The following NCKAP1 variants were observed in gnomAD, a reference collection of about 807,000 sequenced individuals.
NCKAP1 encodes the protein NCK associated protein 1.
A neutral mutation model predicts 151.2 loss-of-function variants in NCKAP1; 21 were observed. That is an observed-to-expected ratio of 0.14 (90% CI 0.10 to 0.20). NCKAP1 has a LOEUF of 0.20. Ranked by LOEUF, NCKAP1 falls within the 10% of genes least tolerant of loss-of-function variation. The pLI, the probability that NCKAP1 is intolerant of heterozygous loss-of-function variation, is 1.00. For synonymous variants in NCKAP1, 484 were observed against 451.8 expected, an observed-to-expected ratio of 1.07 and a Z score of -0.90; for missense variants, 933 against 1,352.1, an observed-to-expected ratio of 0.69 and a Z score of 4.86.
chr2:182,939,678 A>G (rs1449636355), intron 24 of NCKAP1, among the ~76,000 whole-genome samples: 1 of 152,142 alleles, frequency 6.6e-6, no homozygotes, highest in Non-Finnish European at 1.5e-5. Context: ...CTCCTTCAAA[A>G]ACACATTGAC....
At chr2:182,992,473 C>T (rs975728446) in intron 8 of NCKAP1, among the ~76,000 whole-genome samples, 1 of 152,132 alleles carries the variant, frequency 6.6e-6, no homozygotes, top group African/African-American at 2.4e-5. Context: ...GAAGCAAAAT[C>T]CAGAAGTCAC....
intron 10 of NCKAP1, among the ~76,000 whole-genome samples, chr2:182,984,196 A>G (rs1343298677): frequency 6.6e-6 from 1 of 152,180 alleles, no homozygotes; most frequent in East Asian, 1.9e-4. Flanking sequence ...AGCTATAGTC[A>G]ATAAAGGTAT....
Position 182,953,091 on chromosome 2 carries a change from AAT to A in NCKAP1, c.2372+20_2372+21del. ...TCATTACAAATTTTCCGCTACTACA[AAT>A]TTCTAAATGCATTCCTTACCAATTT... On this transcript the variant is annotated intron_variant, in intron 21 of 30. Coordinates refer to ENST00000361354, the MANE Select transcript of NCKAP1 (RefSeq NM_013436.5). 6.4e-7 allele frequency: 1 copy of A among 1,571,744 alleles called. No individual in the cohort carries two copies. Among genetic ancestry groups the A allele is most frequent in the Non-Finnish European group, 8.6e-7 (1 of 1,158,222 alleles).
chr2:182,987,548 C>T (rs1360344544), intron 9 of NCKAP1, among the ~76,000 whole-genome samples: 3 of 152,136 alleles, frequency 2.0e-5, no homozygotes, highest in Non-Finnish European at 2.9e-5. Context: ...ACTGGTTTCA[C>T]TATGCCATTA....
At chr2:183,014,415 T>C (rs1440773783) in intron 2 of NCKAP1, among the ~76,000 whole-genome samples, 5 of 152,092 alleles carry the variant, frequency 3.3e-5, no homozygotes, top group Admixed American at 3.3e-4. Context: ...AAAAGAAACA[T>C]GGCCATTTGT....
Position 182,989,179 on chromosome 2 carries a change from A to G in NCKAP1, c.798T>C (p.Phe266=). 6.3e-7 allele frequency: 1 copy of G among 1,583,572 alleles called. No individual in the cohort carries two copies. Among genetic ancestry groups the G allele is most frequent in the African/African-American group, 1.4e-5 (1 of 73,076 alleles). ...TATTTAGGATCCCATGGCACAAAAT[A>G]AAGCCAACTTTAAATAAAAAGAAAG... The part of the protein sequence containing the change: ...DAMEKWIIFG[F]ILCHGILNTD... The change falls in exon 9 of 31, where the codon TTT becomes TTC. Residue 266 remains phenylalanine, a synonymous_variant. Coordinates refer to ENST00000361354, the MANE Select transcript of NCKAP1 (RefSeq NM_013436.5).
chr2:182,953,346 TAGA>T lies in NCKAP1; in HGVS notation c.2154-18_2154-16del, dbSNP rs776554772. 19 of 1,571,120 alleles carry T rather than the reference TAGA, an allele frequency of 1.2e-5. No homozygotes were observed. Among genetic ancestry groups the T allele is most frequent in the Non-Finnish European group, 1.6e-5 (18 of 1,150,600 alleles). ...CAACAATTGACCTGGGAAGAAGGGA[TAGA>T]AGAATAAGAAAAGCCTCTGACTTTT... On this transcript the variant is annotated splice_polypyrimidine_tract_variant and intron_variant, in intron 20 of 30. Coordinates refer to ENST00000361354, the MANE Select transcript of NCKAP1 (RefSeq NM_013436.5).
In NCKAP1 at chr2:182,917,704, G is replaced by C. The variant is rs1474124977; in HGVS notation, c.*7998C>G. ...CACTTCAACAGCTGCGTTACCTTCA[G>C]AAAATAGTAAAAACCATTTTTGTTA... On this transcript the variant is annotated 3_prime_UTR_variant, in exon 31 of 31. Transcript: ENST00000361354. 1.3e-5 allele frequency: 2 copies of C among 152,196 alleles called. No homozygotes were observed. The highest frequency in any genetic ancestry group is 4.8e-5 in the African/African-American group (2 of 41,474). The allele number at this position is 152,196 out of a possible 1,614,324, so 9.4% of individuals were successfully genotyped here.
intron 6 of NCKAP1, among the ~76,000 whole-genome samples, chr2:183,001,510 GAAGT>G (rs1193556427): frequency 6.6e-6 from 1 of 152,072 alleles, no homozygotes; most frequent in Non-Finnish European, 1.5e-5. Flanking sequence ...ACTTTTTAAT[GAAGT>G]AATTCATTTA....
chr2:182,998,029 C>T (rs1698303136), intron 6 of NCKAP1, among the ~76,000 whole-genome samples: 1 of 152,118 alleles, frequency 6.6e-6, no homozygotes, highest in African/African-American at 2.4e-5. Flanking sequence ...TCCACATAAG[C>T]AAATCAATAA....
rs746258782 is a variant in NCKAP1, at chr2:182,917,491, A to T, written c.*8211T>A. ...TAATCTCTAAGGCTCTTCCAGCTAC[A>T]AATGACTAAAATGCTCCATCATTAC... On this transcript the variant is annotated 3_prime_UTR_variant, in exon 31 of 31. Coordinates refer to ENST00000361354, the MANE Select transcript of NCKAP1 (RefSeq NM_013436.5). 1.3e-5 allele frequency: 2 copies of T among 152,244 alleles called. No homozygotes were observed. The highest frequency in any genetic ancestry group is 4.8e-5 in the African/African-American group (2 of 41,470). 9.4% of individuals were successfully genotyped at this position (152,244 alleles called of 1,614,324 possible). A position where few individuals can be genotyped will look rare whatever the true frequency, so the allele number is the denominator to read the frequency against.
chr2:183,022,080 G>T (rs558796597), intron 2 of NCKAP1, among the ~76,000 whole-genome samples: 3 of 152,300 alleles, frequency 2.0e-5, no homozygotes, highest in African/African-American at 7.2e-5. Context: ...ATCAAGAACA[G>T]CAGATGCTTA....
In NCKAP1 at chr2:183,038,378, C is replaced by A; in HGVS notation, c.-279G>T. On this transcript the variant is annotated 5_prime_UTR_variant, in exon 1 of 31. Coordinates refer to ENST00000361354, the MANE Select transcript of NCKAP1 (RefSeq NM_013436.5). ...CCACCCCCGGCGCTCTCCGCCCCAG[C>A]CCCCAACGAGCCGCCTTCCCCGGCT... The A allele has an allele frequency of 3.6e-6, 1 of 277,258 alleles. No individual in the cohort carries two copies. The allele number at this position is 277,258 out of a possible 1,614,324, so 17.2% of individuals were successfully genotyped here. A position where few individuals can be genotyped will look rare whatever the true frequency, so the allele number is the denominator to read the frequency against.
chr2:182,940,738 C>G lies in NCKAP1; in HGVS notation c.2695+1332G>C, dbSNP rs531042985. Among the ~76,000 whole-genome samples, 5 of 152,290 alleles carry G rather than the reference C, an allele frequency of 3.3e-5. No individual in the cohort carries two copies. In the South Asian group the frequency reaches 1.0e-3, roughly 32 times the overall value. On this transcript the variant is annotated intron_variant, in intron 24 of 30. Transcript: ENST00000361354. ...ACAGGCCTGGGCCACCACACCCAGC[C>G]CCAAATGTTATCATGTACAGATCTG... is the stretch of plus-strand genomic sequence containing the variant.
chr2:182,949,719 A>AG (rs572733264), intron 23 of NCKAP1, among the ~76,000 whole-genome samples: 233 of 152,286 alleles, frequency 1.5e-3, no homozygotes, highest in African/African-American at 5.1e-3. Context: ...GCCTGAGCCC[A>AG]GGGGGGCCAA....
At chr2:183,034,014 T>C (rs1699054875) in intron 1 of NCKAP1, among the ~76,000 whole-genome samples, 1 of 152,196 alleles carries the variant, frequency 6.6e-6, no homozygotes, top group South Asian at 2.1e-4. Context: ...TTAAAAATAA[T>C]TATTTTCCTA....
At chr2:182,935,269 T>A (rs1389918791) in intron 25 of NCKAP1, 24 bp downstream of exon 25, 2 of 1,446,502 alleles carry the variant, frequency 1.4e-6, no homozygotes, top group Non-Finnish European at 1.9e-6. Flanking sequence ...GGATACCGAG[T>A]ATATACTTGT....
At chr2:182,995,965 C>T (rs1698260568) in intron 6 of NCKAP1, 127 bp from the exon 7 acceptor site, 3 of 820,092 alleles carry the variant, frequency 3.7e-6, no homozygotes, top group Non-Finnish European at 5.7e-6. Flanking sequence ...TATACCCATG[C>T]TCCTTATAAT....
intron 9 of NCKAP1, among the ~76,000 whole-genome samples, chr2:182,987,704 A>C (rs1189300648): frequency 6.6e-6 from 1 of 152,242 alleles, no homozygotes; most frequent in Non-Finnish European, 1.5e-5. Context: ...TTTTCAATCT[A>C]AATCAATTAG....
Sources: allele counts gnomAD v4.1 joint callset (sites outside exome capture counted in the v4.1 genomes callset), GRCh38; gene constraint gnomAD v4.1.1; transcripts MANE v1.5; gene names NCBI Gene and HGNC (gene_info 2026-07-23, HGNC 2026-07-21).